The following GRID2 variants were observed in gnomAD, a reference collection of about 807,000 sequenced individuals.
GRID2 encodes glutamate ionotropic receptor delta type subunit 2.
Under a neutral mutation model 114.8 loss-of-function variants are expected in GRID2, and 33 were observed. That is an observed-to-expected ratio of 0.29 (90% CI 0.22 to 0.38). The LOEUF (loss-of-function observed/expected upper bound fraction) is 0.38. Ranked by LOEUF, GRID2 falls within the 10% of genes least tolerant of loss-of-function variation. The pLI is 1.00. For missense variants in GRID2, 1,184 were observed against 1,257.7 expected (o/e 0.94, Z 0.89); for synonymous variants, 505 against 449.9 (o/e 1.12, Z -1.55).
intron 13 of GRID2, among the ~76,000 whole-genome samples, chr4:93,601,411 A>G (rs189640728): frequency 1.3e-5 from 2 of 152,202 alleles, no homozygotes; most frequent in South Asian, 2.1e-4. Flanking sequence ...CTTCACTTCT[A>G]TTCTTTAGGA....
intron 2 of GRID2, among the ~76,000 whole-genome samples, chr4:92,877,196 A>T (rs1014301575): frequency 6.6e-6 from 1 of 152,212 alleles, no homozygotes; most frequent in African/African-American, 2.4e-5. Flanking sequence ...TTGCCTTCTT[A>T]TTCCTTGTTG....
intron 2 of GRID2, among the ~76,000 whole-genome samples, chr4:92,691,744 A>G (rs1216367361): frequency 6.6e-6 from 1 of 152,194 alleles, no homozygotes; most frequent in African/African-American, 2.4e-5. Context: ...TTTTTATTCT[A>G]AGCTGTTTTT....
intron 1 of GRID2, among the ~76,000 whole-genome samples, chr4:92,469,550 T>C (rs1225635791): frequency 3.3e-5 from 5 of 152,158 alleles, no homozygotes; most frequent in Admixed American, 3.3e-4. Context: ...TGTTGTATTG[T>C]TATTTTTATT....
At chr4:92,709,589 A>AAAAAAATATATAT (rs779775767) in intron 2 of GRID2, among the ~76,000 whole-genome samples, 5 of 114,638 alleles carry the variant, frequency 4.4e-5, no homozygotes, top group African/African-American at 1.7e-4. Flanking sequence ...AAAAAAAAAA[A>AAAAAAATATATAT]ATATATATAT....
At chr4:93,424,555 A>G (rs970062226) in intron 10 of GRID2, among the ~76,000 whole-genome samples, 1 of 151,994 alleles carries the variant, frequency 6.6e-6, no homozygotes, top group Non-Finnish European at 1.5e-5. Context: ...CATCATCTGT[A>G]TCCTGATTCT....
At chr4:93,356,312 A>G (rs1436518886) in intron 8 of GRID2, among the ~76,000 whole-genome samples, 5 of 152,042 alleles carry the variant, frequency 3.3e-5, no homozygotes. Context: ...GCCCTGGCCT[A>G]GTTCTCCAGC....
intron 8 of GRID2, among the ~76,000 whole-genome samples, chr4:93,353,046 A>C (rs1446811717): frequency 1.3e-5 from 2 of 152,094 alleles, no homozygotes; most frequent in African/African-American, 4.8e-5. Context: ...AGATTCAAAA[A>C]GAAGGAGAAC....
At chr4:93,635,640 GT>G (rs1209259517) in intron 14 of GRID2, among the ~76,000 whole-genome samples, 1 of 151,900 alleles carries the variant, frequency 6.6e-6, no homozygotes, top group Non-Finnish European at 1.5e-5. Context: ...AGAAAAATGA[GT>G]AAGCTTTTGT....
At chr4:93,211,760 A>G (rs987792251) in intron 5 of GRID2, among the ~76,000 whole-genome samples, 2 of 152,184 alleles carry the variant, frequency 1.3e-5, no homozygotes, top group Admixed American at 6.5e-5. Flanking sequence ...TACCATTTAC[A>G]TTACACAGGT....
At chr4:93,533,286 CT>C (rs2149516515) in intron 13 of GRID2, among the ~76,000 whole-genome samples, 1 of 138,814 alleles carries the variant, frequency 7.2e-6, no homozygotes, top group African/African-American at 2.8e-5. Context: ...TCCTTCCTTC[CT>C]TCCTTCCTTC....
chr4:92,580,017 A>T (rs898319806), intron 1 of GRID2, among the ~76,000 whole-genome samples: 1 of 147,892 alleles, frequency 6.8e-6, no homozygotes, highest in Non-Finnish European at 1.5e-5. Context: ...TATATAGTAT[A>T]ATGGACTCAG....
intron 1 of GRID2, among the ~76,000 whole-genome samples, chr4:93,792,770 A>C (rs1734719326): frequency 6.6e-6 from 1 of 152,206 alleles, no homozygotes; most frequent in Admixed American, 6.5e-5. Flanking sequence ...GAGTCTATAC[A>C]ACAAGGGCAT....
chr4:93,274,050 T>C (rs1043722780), intron 8 of GRID2, among the ~76,000 whole-genome samples: 21 of 16,054 alleles, frequency 1.3e-3, no homozygotes, highest in African/African-American at 0.011. Context: ...AAAAATACTT[T>C]TTCTTTTTTT....
intron 8 of GRID2, among the ~76,000 whole-genome samples, chr4:93,247,086 C>G (rs901792429): frequency 3.9e-5 from 6 of 152,266 alleles, no homozygotes; most frequent in Admixed American, 1.3e-4. Context: ...TGGGAGCTAT[C>G]TCTTCTGGTG....
intron 9 of GRID2, among the ~76,000 whole-genome samples, chr4:93,407,886 T>G (rs1766691054): frequency 6.6e-6 from 1 of 151,886 alleles, no homozygotes; most frequent in Admixed American, 6.6e-5. Flanking sequence ...TCTTCATTTT[T>G]ATTTTTAACC....
intron 2 of GRID2, among the ~76,000 whole-genome samples, chr4:92,663,728 A>C (rs1206609135): frequency 6.6e-6 from 1 of 151,118 alleles, no homozygotes; most frequent in Non-Finnish European, 1.5e-5. Context: ...ATCCATCACC[A>C]CCATCTGTCT....
Position 92,510,103 on chromosome 4 carries a change from A to G in GRID2, c.89-80028A>G, listed in dbSNP as rs552146268. Among the ~76,000 whole-genome samples, 41 of 152,066 alleles carry G rather than the reference A, an allele frequency of 2.7e-4. No homozygotes were observed. The South Asian group carries it at 8.1e-3, about 30-fold the overall frequency. On this transcript the variant is annotated intron_variant, in intron 1 of 15. Coordinates refer to ENST00000282020, the MANE Select transcript of GRID2 (RefSeq NM_001510.4). ...CAGAAATAAGCAAAACAACAGCTAC[A>G]ATAATCTGAGAGGGTGGATGCCCAG...
At chr4:93,117,929 G>A (rs1733430810) in intron 4 of GRID2, among the ~76,000 whole-genome samples, 1 of 152,148 alleles carries the variant, frequency 6.6e-6, no homozygotes, top group Non-Finnish European at 1.5e-5. Flanking sequence ...TCCCCTAGAA[G>A]CAATGATTCA....
intron 2 of GRID2, among the ~76,000 whole-genome samples, chr4:92,708,782 C>T (rs1425675877): frequency 2.6e-5 from 4 of 152,090 alleles, no homozygotes; most frequent in Non-Finnish European, 5.9e-5. Flanking sequence ...AAAAATTAGC[C>T]AGGCATGGTG....
Sources: allele counts gnomAD v4.1 joint callset (sites outside exome capture counted in the v4.1 genomes callset), GRCh38; gene constraint gnomAD v4.1.1; transcripts MANE v1.5; gene names NCBI Gene and HGNC (gene_info 2026-07-23, HGNC 2026-07-21).